The following CACNA1E variants were observed in gnomAD, a reference collection of about 807,000 sequenced individuals.
The protein encoded by CACNA1E is voltage-dependent R-type calcium channel subunit alpha-1E.
In CACNA1E, 40 loss-of-function variants were observed where a neutral mutation model predicts 259.2. The ratio of observed to expected loss-of-function variants is 0.15; its 90% CI spans 0.12 to 0.20. The LOEUF is 0.20. Among genes scored for constraint, CACNA1E ranks in the 10% least tolerant of loss-of-function variants. The probability of loss-of-function intolerance (pLI) is 1.00; values close to 1 mark genes in which losing one functional copy is unlikely to be tolerated. For synonymous variants in CACNA1E, 1,104 were observed against 1,138.5 expected (o/e 0.97, Z 0.61); for missense variants, 1,874 against 3,040.1 (o/e 0.62, Z 9.02).
intron 3 of CACNA1E, among the ~76,000 whole-genome samples, chr1:181,516,612 C>G (rs1247616293): frequency 6.6e-6 from 1 of 152,198 alleles, no homozygotes; most frequent in African/African-American, 2.4e-5. Flanking sequence ...AGCGACAGCA[C>G]CAGCTGTTCC....
intron 2 of CACNA1E, among the ~76,000 whole-genome samples, chr1:181,425,914 G>A (rs1659155655): frequency 6.6e-6 from 1 of 152,140 alleles, no homozygotes; most frequent in South Asian, 2.1e-4. Context: ...ACCCTCTGCA[G>A]CTGTGCTCAC....
intron 1 of CACNA1E, among the ~76,000 whole-genome samples, chr1:181,401,020 C>G (rs1024898898): frequency 7.2e-5 from 11 of 152,164 alleles, no homozygotes; most frequent in South Asian, 2.1e-4. Flanking sequence ...GATCTGCCCC[C>G]CAACATTACA....
At chr1:181,322,799 C>T (rs1650463106) in intron 1 of CACNA1E, among the ~76,000 whole-genome samples, 1 of 152,254 alleles carries the variant, frequency 6.6e-6, no homozygotes, top group East Asian at 1.9e-4. Flanking sequence ...AAATTTCCTC[C>T]ATAAACACTA....
chr1:181,350,331 C>T (rs1481107306), intron 1 of CACNA1E, among the ~76,000 whole-genome samples: 2 of 152,220 alleles, frequency 1.3e-5, no homozygotes, highest in Admixed American at 6.5e-5. Flanking sequence ...TCATCCAGAG[C>T]TGGGTGGTTC....
chr1:181,335,211 C>A (rs886293424), intron 1 of CACNA1E, among the ~76,000 whole-genome samples: 1 of 152,222 alleles, frequency 6.6e-6, no homozygotes, highest in Admixed American at 6.5e-5. Context: ...ACAGGATCCA[C>A]ACTGTCTTTC....
At chr1:181,601,637 C>A (rs1465121018) in intron 6 of CACNA1E, among the ~76,000 whole-genome samples, 1 of 152,200 alleles carries the variant, frequency 6.6e-6, no homozygotes, top group Non-Finnish European at 1.5e-5. Context: ...ATCTGCCTAC[C>A]AATCCTGACC....
chr1:181,378,864 G>A (rs997210525), intron 1 of CACNA1E, among the ~76,000 whole-genome samples: 2 of 152,220 alleles, frequency 1.3e-5, no homozygotes, highest in African/African-American at 4.8e-5. Context: ...AAGGACTGAA[G>A]TGTTTCCAAG....
chr1:181,754,266 C>G (rs1478776449), intron 27 of CACNA1E, among the ~76,000 whole-genome samples: 1 of 152,054 alleles, frequency 6.6e-6, no homozygotes, highest in Non-Finnish European at 1.5e-5. Context: ...CTCTGCAGCT[C>G]CATAACCTGA....
chr1:181,560,463 T>A (rs1178613927), intron 3 of CACNA1E, among the ~76,000 whole-genome samples: 1 of 152,196 alleles, frequency 6.6e-6, no homozygotes, highest in African/African-American at 2.4e-5. Context: ...TTTAAAGTTA[T>A]ACTGCTTTTC....
At chr1:181,404,333 G>T (rs1271742748) in intron 1 of CACNA1E, among the ~76,000 whole-genome samples, 1 of 152,180 alleles carries the variant, frequency 6.6e-6, no homozygotes, top group Non-Finnish European at 1.5e-5. Context: ...TCTTATTGCA[G>T]AACGTCAGGG....
intron 1 of CACNA1E, among the ~76,000 whole-genome samples, chr1:181,385,912 T>A (rs1655813962): frequency 6.6e-6 from 1 of 151,992 alleles, no homozygotes. Context: ...TATTTTACTC[T>A]TATTCCTCAT....
chr1:181,745,954 C>G (rs1424103468), intron 25 of CACNA1E, among the ~76,000 whole-genome samples: 1 of 152,174 alleles, frequency 6.6e-6, no homozygotes, highest in Non-Finnish European at 1.5e-5. Flanking sequence ...AAGGAGAAAG[C>G]TTGCAAAAGG....
chr1:181,741,723 A>T (rs549606870), intron 25 of CACNA1E, among the ~76,000 whole-genome samples: 1 of 152,326 alleles, frequency 6.6e-6, no homozygotes, highest in East Asian at 1.9e-4. Flanking sequence ...TAGAGCTGTC[A>T]TCTGTCTTGT....
chr1:181,672,253 A>C lies in CACNA1E; in HGVS notation c.1055+20812A>C, dbSNP rs1648885026. Among the ~76,000 whole-genome samples, 3 of 152,216 alleles carry C rather than the reference A, an allele frequency of 2.0e-5. No individual in the cohort carries two copies. In the South Asian group the frequency reaches 6.2e-4, roughly 32 times the overall value. Reference sequence around the variant, plus strand: ...CTACTTGAGTGTGGAGGGTGGGAGGAGGGAGAGGAGCAAAAAACATAACTA... The same window carrying C: ...CTACTTGAGTGTGGAGGGTGGGAGGCGGGAGAGGAGCAAAAAACATAACTA... On this transcript the variant is annotated intron_variant, in intron 7 of 47. Coordinates refer to ENST00000367573, the MANE Select transcript of CACNA1E (RefSeq NM_001205293.3).
chr1:181,785,760 G>A lies in CACNA1E; in HGVS notation c.5727G>A (p.Gln1909=). 1 of 1,613,332 alleles carries A rather than the reference G, an allele frequency of 6.2e-7. No homozygotes were observed. Among genetic ancestry groups the A allele is most frequent in the Non-Finnish European group, 8.5e-7 (1 of 1,179,738 alleles). ...GCATGGAGCCTTCATCTCTGCCTCA[G>A]GAGATCATTGCTAATGCCAAAGCCC... The part of the protein sequence containing the change: ...FQRMEPSSLP[Q]EIIANAKALP... The change falls in exon 43 of 48, where the codon CAG becomes CAA. Residue 1909 remains glutamine (Q), a synonymous_variant. Transcript: ENST00000367573.
At chr1:181,475,803 G>A (rs1296919796) in intron 2 of CACNA1E, among the ~76,000 whole-genome samples, 1 of 152,302 alleles carries the variant, frequency 6.6e-6, no homozygotes, top group East Asian at 1.9e-4. Flanking sequence ...TATTGAGTCT[G>A]GGGATGAGGG....
chr1:181,450,532 C>T (rs1661094693), intron 2 of CACNA1E, among the ~76,000 whole-genome samples: 1 of 151,362 alleles, frequency 6.6e-6, no homozygotes, highest in South Asian at 2.1e-4. Context: ...GGGAAAACAC[C>T]CAGAGGCCAG....
chr1:181,367,247 T>C (rs759226186), intron 1 of CACNA1E, among the ~76,000 whole-genome samples: 3 of 152,216 alleles, frequency 2.0e-5, no homozygotes, highest in Admixed American at 6.5e-5. Context: ...ATCTTTGGCC[T>C]GGTGCCTCAC....
intron 27 of CACNA1E, among the ~76,000 whole-genome samples, chr1:181,753,043 A>G (rs1467532907): frequency 1.3e-5 from 2 of 152,210 alleles, no homozygotes; most frequent in Non-Finnish European, 2.9e-5. Context: ...ATTCCTGTGA[A>G]TGACAGCAAG....
Sources: allele counts gnomAD v4.1 joint callset (sites outside exome capture counted in the v4.1 genomes callset), GRCh38; gene constraint gnomAD v4.1.1; transcripts MANE v1.5; gene names NCBI Gene and HGNC (gene_info 2026-07-23, HGNC 2026-07-21).